SLC10A7: variants seen among roughly 807,000 people sequenced by gnomAD.
SLC10A7 encodes the protein sodium/bile acid cotransporter 7.
Under a neutral mutation model 43.2 loss-of-function variants are expected in SLC10A7, and 29 were observed. The observed-to-expected ratio is 0.67, with a 90% CI of 0.50 to 0.92. The LOEUF (loss-of-function observed/expected upper bound fraction) is 0.92, where lower values mean the gene tolerates loss of function less well. Ranked by LOEUF, SLC10A7 falls within the 40% of genes least tolerant of loss-of-function variation. The probability of loss-of-function intolerance (pLI) is 0.00; values close to 1 mark genes in which losing one functional copy is unlikely to be tolerated. For missense variants in SLC10A7, 295 were observed against 403.2 expected (o/e 0.73, Z 2.30); for synonymous variants, 152 against 144.8 (o/e 1.05, Z -0.35).
chr4:146,308,789 T>C (rs1211645190), intron 6 of SLC10A7, among the ~76,000 whole-genome samples: 4 of 152,138 alleles, frequency 2.6e-5, no homozygotes, highest in Non-Finnish European at 5.9e-5. Context: ...CTTGCAGAAA[T>C]ATGTAGTACT....
intron 6 of SLC10A7, among the ~76,000 whole-genome samples, chr4:146,311,492 C>T (rs1329194664): frequency 6.6e-6 from 1 of 152,156 alleles, no homozygotes; most frequent in Admixed American, 6.6e-5. Context: ...CAGGCATCTC[C>T]ACTATTTGTG....
intron 7 of SLC10A7, among the ~76,000 whole-genome samples, chr4:146,303,741 G>A (rs1278084344): frequency 2.0e-5 from 3 of 151,974 alleles, no homozygotes; most frequent in Non-Finnish European, 2.9e-5. Context: ...TATTTGCAGG[G>A]AATTTGGTAA....
At chr4:146,322,983 C>T (rs186382479) in intron 6 of SLC10A7, among the ~76,000 whole-genome samples, 1 of 152,294 alleles carries the variant, frequency 6.6e-6, no homozygotes, top group African/African-American at 2.4e-5. Flanking sequence ...TGATGATGAG[C>T]ATTTTTTCAT....
rs183906207 is a variant in SLC10A7, at chr4:146,294,742, A to T, written c.556-647T>A. ...AGAATTCCAGAATTAACATTTAAAA[A>T]TGAATAAACCTGTCCTAACTCTCCT... On this transcript the variant is annotated intron_variant, in intron 7 of 11. Transcript: ENST00000335472. Among the ~76,000 whole-genome samples the T allele has an allele frequency of 1.6e-3, 245 of 152,342 alleles. No individual in the cohort carries two copies. In the Middle Eastern group the frequency reaches 0.017, roughly 11 times the overall value.
In SLC10A7 at chr4:146,256,167, GTAACTAC is replaced by G. The variant is rs1578716539; in HGVS notation, c.*317_*323del. On this transcript the variant is annotated 3_prime_UTR_variant, in exon 12 of 12. Coordinates refer to ENST00000335472, the MANE Select transcript of SLC10A7 (RefSeq NM_001029998.6). The stretch of plus-strand genomic sequence containing the variant: ...GTGTGACCTCATTTCAAACATTACA[GTAACTAC>G]TATAGGGTTGTATTGCACAAAGGTG... The G allele has an allele frequency of 2.3e-5, 6 of 262,740 alleles. No individual in the cohort carries two copies. In the East Asian group the frequency reaches 5.3e-4, roughly 23 times the overall value. 16.3% of individuals were successfully genotyped at this position (262,740 alleles called of 1,614,324 possible).
chr4:146,399,319 G>A (rs1739056679), intron 5 of SLC10A7, among the ~76,000 whole-genome samples: 1 of 152,158 alleles, frequency 6.6e-6, no homozygotes, highest in Admixed American at 6.6e-5. Flanking sequence ...AGGGCTTACT[G>A]GTTGGGATAA....
At chr4:146,287,215 A>G (rs1026516964) in intron 9 of SLC10A7, among the ~76,000 whole-genome samples, 8 of 152,136 alleles carry the variant, frequency 5.3e-5, no homozygotes, top group African/African-American at 1.9e-4. Context: ...TGGACTGGTG[A>G]GAAGGACCGT....
At chr4:146,411,554 A>G (rs553961373) in intron 5 of SLC10A7, among the ~76,000 whole-genome samples, 130 of 152,310 alleles carry the variant, frequency 8.5e-4, no homozygotes, top group African/African-American at 3.0e-3. Context: ...AATGTTTACA[A>G]TTAGTATTAA....
intron 10 of SLC10A7, among the ~76,000 whole-genome samples, chr4:146,277,197 T>A (rs544276726): frequency 6.6e-6 from 1 of 152,168 alleles, no homozygotes; most frequent in East Asian, 1.9e-4. Flanking sequence ...AGCATGAGAG[T>A]ATCAGGGTGA....
chr4:146,386,710 T>G (rs1414834900), intron 5 of SLC10A7, among the ~76,000 whole-genome samples: 1 of 152,198 alleles, frequency 6.6e-6, no homozygotes, highest in East Asian at 1.9e-4. Context: ...TATCCATCCT[T>G]CAAAGTCCAC....
intron 1 of SLC10A7, among the ~76,000 whole-genome samples, chr4:146,518,038 C>A (rs986094861): frequency 1.3e-5 from 2 of 152,106 alleles, no homozygotes. Context: ...AGGCCTGGTC[C>A]CTGCCTTCCA....
intron 5 of SLC10A7, among the ~76,000 whole-genome samples, chr4:146,416,870 A>G (rs866775995): frequency 3.3e-5 from 5 of 152,098 alleles, no homozygotes; most frequent in African/African-American, 1.2e-4. Flanking sequence ...TTATCTCTAT[A>G]TGAAACAAAC....
At chr4:146,313,888 C>T (rs1732148669) in intron 6 of SLC10A7, among the ~76,000 whole-genome samples, 1 of 152,236 alleles carries the variant, frequency 6.6e-6, no homozygotes, top group African/African-American at 2.4e-5. Flanking sequence ...TGCCCAAATA[C>T]GTTTTAAGTT....
In SLC10A7 at chr4:146,489,617, A is replaced by T. The variant is rs1351047469; in HGVS notation, c.396+14232T>A. 2.6e-5 allele frequency among the ~76,000 whole-genome samples: 4 copies of T among 152,160 alleles called. No homozygotes were observed. In the East Asian group the frequency reaches 7.7e-4, roughly 29 times the overall value. ...AGCTCACTAAATCCACGTAGGGCAA[A>T]GGAACTGCCCACGGGTTAAAAGTGC... On this transcript the variant is annotated intron_variant, in intron 4 of 11. Transcript: ENST00000335472.
intron 6 of SLC10A7, among the ~76,000 whole-genome samples, chr4:146,321,509 G>C (rs1399884546): frequency 6.6e-6 from 1 of 151,990 alleles, no homozygotes; most frequent in Non-Finnish European, 1.5e-5. Context: ...TGATATACTT[G>C]GAGTCAAAAC....
chr4:146,397,256 T>C (rs1184429027), intron 5 of SLC10A7, among the ~76,000 whole-genome samples: 1 of 152,174 alleles, frequency 6.6e-6, no homozygotes, highest in African/African-American at 2.4e-5. Flanking sequence ...TTACTGTGTA[T>C]TAAATAACGC....
intron 9 of SLC10A7, among the ~76,000 whole-genome samples, chr4:146,287,174 C>A (rs1363070251): frequency 6.6e-6 from 1 of 151,918 alleles, no homozygotes; most frequent in Non-Finnish European, 1.5e-5. Flanking sequence ...GTGAGAAGGA[C>A]TGTGTCTGGA....
chr4:146,310,006 G>A (rs1731850561), intron 6 of SLC10A7, among the ~76,000 whole-genome samples: 1 of 151,970 alleles, frequency 6.6e-6, no homozygotes, highest in Non-Finnish European at 1.5e-5. Flanking sequence ...AGTGTCTCTT[G>A]TTGCCATCTT....
chr4:146,386,347 T>TA (rs912703403), intron 5 of SLC10A7, among the ~76,000 whole-genome samples: 106 of 151,460 alleles, frequency 7.0e-4, no homozygotes, highest in African/African-American at 2.3e-3. Flanking sequence ...GCCCTCAACT[T>TA]AAAAAAAAAT....
Sources: gnomAD v4.1 joint callset for allele counts (sites outside exome capture counted in the v4.1 genomes callset) on GRCh38, gnomAD v4.1.1 for gene constraint, MANE v1.5 for transcripts, NCBI Gene and HGNC (gene_info 2026-07-23, HGNC 2026-07-21) for gene names.